Variants in LYPLAL1 observed in about 807,000 individuals in gnomAD.
The protein encoded by LYPLAL1 is lysophospholipase-like protein 1.
A neutral mutation model predicts 19.7 loss-of-function variants in LYPLAL1; 23 were observed. That is an observed-to-expected ratio of 1.17 (90% confidence interval 0.84 to 1.65). LYPLAL1 has a LOEUF of 1.65. Among genes scored for constraint, LYPLAL1 ranks in the 40% most tolerant of loss-of-function variants. The pLI is 0.00. For synonymous variants in LYPLAL1, 119 were observed against 96.3 expected, an observed-to-expected ratio of 1.24 and a Z score of -1.38; for missense variants, 355 against 279.4, an observed-to-expected ratio of 1.27 and a Z score of -1.93.
chr1:219,345,767 G>T, the LYPLAL1 span, among the ~76,000 whole-genome samples: 5 of 152,182 alleles, frequency 3.3e-5, no homozygotes, highest in Admixed American at 6.5e-5. Context: ...TTTGAAAAAA[G>T]GGAGGAAAAT....
chr1:219,430,475 A>G, the LYPLAL1 span, among the ~76,000 whole-genome samples: 1 of 152,156 alleles, frequency 6.6e-6, no homozygotes, highest in Non-Finnish European at 1.5e-5. Flanking sequence ...TTTCCCATTC[A>G]GGCCACCCAA....
intron 2 of LYPLAL1, among the ~76,000 whole-genome samples, chr1:219,192,154 T>G (rs1657236951): frequency 6.6e-6 from 1 of 151,736 alleles, no homozygotes. Flanking sequence ...TTCTAGCTCC[T>G]TGAATATGCT....
At chr1:219,389,331 G>A in the LYPLAL1 span, among the ~76,000 whole-genome samples, 1 of 152,118 alleles carries the variant, frequency 6.6e-6, no homozygotes, top group Admixed American at 6.5e-5. Flanking sequence ...AGAGTATGGG[G>A]AAGGCCTGAG....
At chr1:219,394,563 T>A in the LYPLAL1 span, among the ~76,000 whole-genome samples, 5 of 152,346 alleles carry the variant, frequency 3.3e-5, no homozygotes, top group Admixed American at 2.0e-4. Context: ...GGGTACCACA[T>A]ACATGTGACA....
chr1:219,344,252 T>C, the LYPLAL1 span, among the ~76,000 whole-genome samples: 5 of 152,192 alleles, frequency 3.3e-5, no homozygotes, highest in African/African-American at 1.2e-4. Context: ...TGAACCCCCA[T>C]TGTTTTCTCA....
the LYPLAL1 span, chr1:219,411,644 C>G: frequency 6.6e-6 from 1 of 152,314 alleles, no homozygotes; most frequent in African/African-American, 2.4e-5. Context: ...AAGCTTTATT[C>G]TTTCGCTCTG....
At chr1:219,383,400 C>T in the LYPLAL1 span, among the ~76,000 whole-genome samples, 1 of 152,296 alleles carries the variant, frequency 6.6e-6, no homozygotes, top group East Asian at 1.9e-4. Flanking sequence ...ATTTATGACA[C>T]TTTAACTAAT....
downstream of LYPLAL1, among the ~76,000 whole-genome samples, chr1:219,213,240 T>C (rs564069859): frequency 6.6e-6 from 1 of 152,160 alleles, no homozygotes; most frequent in South Asian, 2.1e-4. Flanking sequence ...CTTGCCTTTG[T>C]GGATCTGTTT....
At chr1:219,325,178 G>A in the LYPLAL1 span, among the ~76,000 whole-genome samples, 15 of 152,252 alleles carry the variant, frequency 9.9e-5, no homozygotes, top group Middle Eastern at 6.8e-3. Context: ...TTTCTGCTGC[G>A]TGTAAATGAT....
chr1:219,233,148 ATGTGGCAC>A, the LYPLAL1 span, among the ~76,000 whole-genome samples: 3 of 152,340 alleles, frequency 2.0e-5, no homozygotes, highest in African/African-American at 7.2e-5. Context: ...GATAAACACA[ATGTGGCAC>A]ATATACAGTG....
chr1:219,332,854 G>A, the LYPLAL1 span, among the ~76,000 whole-genome samples: 3 of 144,402 alleles, frequency 2.1e-5, no homozygotes, highest in Non-Finnish European at 4.5e-5. Context: ...CAGATGGAAG[G>A]ATTACCACCT....
the LYPLAL1 span, among the ~76,000 whole-genome samples, chr1:219,298,899 T>G: frequency 2.6e-5 from 4 of 152,218 alleles, no homozygotes; most frequent in African/African-American, 9.7e-5. Context: ...TTTCCACTGA[T>G]TATTACTTTC....
At chr1:219,412,681 A>G in the LYPLAL1 span, among the ~76,000 whole-genome samples, 1 of 152,184 alleles carries the variant, frequency 6.6e-6, no homozygotes, top group Non-Finnish European at 1.5e-5. Flanking sequence ...CCTCTAATTG[A>G]AAAGCTCATC....
At chr1:219,234,112 A>C in the LYPLAL1 span, among the ~76,000 whole-genome samples, 6 of 152,316 alleles carry the variant, frequency 3.9e-5, no homozygotes, top group African/African-American at 1.4e-4. Flanking sequence ...TGACTTCTCC[A>C]TGTTAAGTGA....
At chr1:219,368,684 C>T in the LYPLAL1 span, among the ~76,000 whole-genome samples, 1 of 152,184 alleles carries the variant, frequency 6.6e-6, no homozygotes, top group East Asian at 1.9e-4. Context: ...TTGAAGCAAT[C>T]GTGTGTATAA....
the LYPLAL1 span, among the ~76,000 whole-genome samples, chr1:219,309,362 T>C: frequency 2.0e-5 from 3 of 152,288 alleles, no homozygotes; most frequent in South Asian, 6.2e-4. Flanking sequence ...TGTGGACTTT[T>C]GGGTCAATGC....
chr1:219,387,371 GCC>G, the LYPLAL1 span, among the ~76,000 whole-genome samples: 9 of 152,264 alleles, frequency 5.9e-5, no homozygotes, highest in Admixed American at 5.9e-4. Context: ...AAAGACTCTT[GCC>G]CAGAGAGGAA....
the LYPLAL1 span, among the ~76,000 whole-genome samples, chr1:219,445,431 C>G: frequency 7.1e-6 from 1 of 140,150 alleles, no homozygotes; most frequent in African/African-American, 2.7e-5. Context: ...GTGGGGGGAA[C>G]AAACAAGTAG....
intron 3 of LYPLAL1, among the ~76,000 whole-genome samples, chr1:219,207,199 C>T (rs1191579423): frequency 3.2e-5 from 1 of 31,478 alleles, no homozygotes; most frequent in African/African-American, 7.5e-5. Flanking sequence ...TGTTATCTAT[C>T]GCGTGTGGAT....
Sources: allele counts gnomAD v4.1 joint callset (sites outside exome capture counted in the v4.1 genomes callset), GRCh38; gene constraint gnomAD v4.1.1; transcripts MANE v1.5; gene names NCBI Gene and HGNC (gene_info 2026-07-23, HGNC 2026-07-21).